The following PDS5B variants were observed in gnomAD, a reference collection of about 807,000 sequenced individuals.
PDS5B encodes the protein sister chromatid cohesion protein PDS5 homolog B.
Under a neutral mutation model 184.1 loss-of-function variants are expected in PDS5B, and 51 were observed. That is an observed-to-expected ratio of 0.28 (90% CI 0.22 to 0.35). The LOEUF is 0.35. Among genes scored for constraint, PDS5B ranks in the 10% least tolerant of loss-of-function variants. The pLI is 1.00. For missense variants in PDS5B, 1,180 were observed against 1,723.3 expected, an observed-to-expected ratio of 0.68 and a Z score of 5.58; for synonymous variants, 566 against 569.2, an observed-to-expected ratio of 0.99 and a Z score of 0.08.
At chr13:32,669,182 C>T (rs1950871066) in intron 7 of PDS5B, among the ~76,000 whole-genome samples, 1 of 152,056 alleles carries the variant, frequency 6.6e-6, no homozygotes, top group Non-Finnish European at 1.5e-5. Flanking sequence ...TCCCTTGCTT[C>T]AAGTACTTCT....
At chr13:32,647,509 T>G (rs1227858234) in intron 1 of PDS5B, among the ~76,000 whole-genome samples, 1 of 152,106 alleles carries the variant, frequency 6.6e-6, no homozygotes, top group East Asian at 1.9e-4. Flanking sequence ...GAGCTCAAAG[T>G]TTAAGCTCAA....
intron 1 of PDS5B, among the ~76,000 whole-genome samples, chr13:32,605,022 C>A (rs2058038368): frequency 2.0e-5 from 3 of 152,130 alleles, no homozygotes; most frequent in Admixed American, 2.0e-4. Context: ...TTCAAAAAAA[C>A]CAGCTCCTGG....
At chr13:32,615,084 G>C (rs2058198895) in intron 1 of PDS5B, among the ~76,000 whole-genome samples, 1 of 152,062 alleles carries the variant, frequency 6.6e-6, no homozygotes, top group Non-Finnish European at 1.5e-5. Flanking sequence ...AACCACCTCC[G>C]TTGTGCCCCC....
In PDS5B at chr13:32,635,367, C is replaced by T. The variant is rs556172541; in HGVS notation, c.-19-13387C>T. Among the ~76,000 whole-genome samples, 15 of 107,458 alleles carry T rather than the reference C, an allele frequency of 1.4e-4. No individual in the cohort carries two copies. In the Admixed American group the frequency reaches 1.4e-3, roughly 10 times the overall value. The allele number at this position is 107,458 out of a possible 152,430, so 70.5% of individuals were successfully genotyped here. Reference sequence around the variant, plus strand: ...TTTTTTTTTTTTTTTTTTTTAAAGACGGAGTCTTGCTCTGGTGCCAGGCTG... The same window carrying T: ...TTTTTTTTTTTTTTTTTTTTAAAGATGGAGTCTTGCTCTGGTGCCAGGCTG... On this transcript the variant is annotated intron_variant, in intron 1 of 34. Transcript: ENST00000315596.
intron 31 of PDS5B, among the ~76,000 whole-genome samples, chr13:32,769,085 T>A (rs940948754): frequency 6.6e-6 from 1 of 151,970 alleles, no homozygotes; most frequent in East Asian, 1.9e-4. Flanking sequence ...ATGGTGCCAC[T>A]GCACTCCAGC....
intron 1 of PDS5B, among the ~76,000 whole-genome samples, chr13:32,593,416 C>T (rs2057806570): frequency 6.6e-6 from 1 of 152,236 alleles, no homozygotes. Flanking sequence ...TCTCGGCTCA[C>T]TGCAACCTCT....
chr13:32,725,501 G>A (rs933447454), intron 19 of PDS5B, among the ~76,000 whole-genome samples: 5 of 151,952 alleles, frequency 3.3e-5, no homozygotes, highest in Admixed American at 2.0e-4. Context: ...ATTCTCCGAG[G>A]GGCTCTGGTT....
chr13:32,746,044 T>A lies in PDS5B; in HGVS notation c.2680T>A (p.Cys894Ser). The change falls in exon 24 of 35, where the codon TGT becomes AGT. Residue 894 changes from cysteine (C) to serine (S), a missense_variant. By Grantham distance (112) the Cys-to-Ser change is moderately radical. Coordinates refer to ENST00000315596, the MANE Select transcript of PDS5B (RefSeq NM_015032.4). Reference protein sequence around the residue: ...SAIVKLAQEPCYHEIITLEQY... With the variant: ...SAIVKLAQEPSYHEIITLEQY... ...TATTGTGAAGCTGGCACAAGAACCC[T>A]GTTACCATGAAATCATCACATTAGA... 6.2e-7 allele frequency: 1 copy of A among 1,613,246 alleles called. No individual in the cohort carries two copies. The highest frequency in any genetic ancestry group is 8.5e-7 in the Non-Finnish European group (1 of 1,179,174).
At position 32,697,028 on chromosome 13, in the gene PDS5B, C is replaced by T. The variant is rs891703823; in HGVS notation, c.1600+126C>T. On this transcript the variant is annotated intron_variant, in intron 15 of 34. Transcript: ENST00000315596. ...AGGAATTTTAAATTTTCTTTAGTGT[C>T]TTACATGAGCTAGAGCTGGAGAAAG... 9 of 557,978 alleles carry T rather than the reference C, an allele frequency of 1.6e-5. No individual in the cohort carries two copies. The Admixed American group carries it at 2.9e-4, about 18-fold the overall frequency. 34.6% of individuals were successfully genotyped at this position (557,978 alleles called of 1,614,324 possible).
chr13:32,588,750 A>C (rs2057729479), intron 1 of PDS5B, among the ~76,000 whole-genome samples: 3 of 152,258 alleles, frequency 2.0e-5, no homozygotes, highest in African/African-American at 7.2e-5. Flanking sequence ...TTGTAATAAG[A>C]TTCTACCGAG....
At chr13:32,652,877 G>A (rs1041689908) in intron 3 of PDS5B, among the ~76,000 whole-genome samples, 12 of 152,130 alleles carry the variant, frequency 7.9e-5, no homozygotes, top group Admixed American at 7.2e-4. Flanking sequence ...TAAAAGATGA[G>A]AAGGGGAATA....
At chr13:32,679,330 G>A (rs1484476522) in intron 10 of PDS5B, among the ~76,000 whole-genome samples, 1 of 152,180 alleles carries the variant, frequency 6.6e-6, no homozygotes, top group African/African-American at 2.4e-5. Context: ...CCTGGAGACA[G>A]ACATTTTCAT....
At chr13:32,761,236 A>G (rs775063703) in intron 30 of PDS5B, among the ~76,000 whole-genome samples, 13 of 152,222 alleles carry the variant, frequency 8.5e-5, no homozygotes, top group African/African-American at 1.4e-4. Context: ...TTAACCTAGT[A>G]TAGAAAGGGA....
intron 19 of PDS5B, among the ~76,000 whole-genome samples, chr13:32,715,639 C>CTCCCTCTCCCTA (rs1952360609): frequency 1.3e-5 from 2 of 151,854 alleles, no homozygotes; most frequent in South Asian, 4.2e-4. Flanking sequence ...CCCTCTCCCT[C>CTCCCTCTCCCTA]TCCCTATCCC....
Position 32,759,605 on chromosome 13 carries a change from ACTT to A in PDS5B, c.3310-19_3310-17del, listed in dbSNP as rs1398064915. On this transcript the variant is annotated intron_variant, in intron 28 of 34. Coordinates refer to ENST00000315596, the MANE Select transcript of PDS5B (RefSeq NM_015032.4). ...GATAGTGTTTTAATATTCACTGACT[ACTT>A]CTTTTTCTCTTGGTTGTAGAATTTC... 5.9e-6 allele frequency: 8 copies of A among 1,362,182 alleles called. No individual in the cohort carries two copies. The highest frequency in any genetic ancestry group is 2.9e-5 in the African/African-American group (2 of 69,494). The allele number at this position is 1,362,182 out of a possible 1,614,324, so 84.4% of individuals were successfully genotyped here.
intron 9 of PDS5B, among the ~76,000 whole-genome samples, chr13:32,678,196 G>A (rs767884266): frequency 1.5e-4 from 23 of 152,122 alleles, no homozygotes; most frequent in Non-Finnish European, 7.4e-5. Flanking sequence ...AAAAAGAGTT[G>A]GAGGGAAAAC....
chr13:32,698,820 C>G (rs1209340598), intron 15 of PDS5B, among the ~76,000 whole-genome samples: 2 of 151,318 alleles, frequency 1.3e-5, no homozygotes, highest in Non-Finnish European at 2.9e-5. Flanking sequence ...GTGGCGAGAT[C>G]TCAGCTCACT....
chr13:32,624,092 C>A (rs1175491907), intron 1 of PDS5B, among the ~76,000 whole-genome samples: 1 of 152,088 alleles, frequency 6.6e-6, no homozygotes, highest in Non-Finnish European at 1.5e-5. Context: ...AATTCCTTAG[C>A]TCTTTGCAAA....
intron 1 of PDS5B, among the ~76,000 whole-genome samples, chr13:32,637,002 T>A (rs1566269815): frequency 1.3e-5 from 2 of 152,116 alleles, no homozygotes. Flanking sequence ...GGATCTTGGT[T>A]TAGTGTCTTC....
Sources: allele counts gnomAD v4.1 joint callset (sites outside exome capture counted in the v4.1 genomes callset), GRCh38; gene constraint gnomAD v4.1.1; transcripts MANE v1.5; gene names NCBI Gene and HGNC (gene_info 2026-07-23, HGNC 2026-07-21).